MAPK9: variants seen among roughly 807,000 people sequenced by gnomAD.
MAPK9 encodes Jun kinase.
Under a neutral mutation model 57.1 loss-of-function variants are expected in MAPK9, and 30 were observed. That is an observed-to-expected ratio of 0.53 (90% CI 0.39 to 0.71). The LOEUF is 0.71. Among genes scored for constraint, MAPK9 ranks in the 30% least tolerant of loss-of-function variants. MAPK9 has a pLI of 0.00. For missense variants in MAPK9, 362 were observed against 521.0 expected (o/e 0.69, Z 2.97); for synonymous variants, 155 against 177.0 (o/e 0.88, Z 0.99).
intron 4 of MAPK9, among the ~76,000 whole-genome samples, chr5:180,262,594 C>G (rs983944104): frequency 6.6e-6 from 1 of 151,608 alleles, no homozygotes. Context: ...AGCCATCATG[C>G]CTGGATAGTT....
intron 3 of MAPK9, among the ~76,000 whole-genome samples, chr5:180,268,593 T>G (rs936371860): frequency 1.3e-5 from 2 of 149,020 alleles, no homozygotes; most frequent in Non-Finnish European, 3.0e-5. Context: ...TTTGGGAGGC[T>G]GAGGCTGGCG....
chr5:180,260,014 G>A (rs1397067959), intron 5 of MAPK9, among the ~76,000 whole-genome samples: 1 of 152,220 alleles, frequency 6.6e-6, no homozygotes, highest in Non-Finnish European at 1.5e-5. Flanking sequence ...TATGAGGAAT[G>A]TGATGATGCC....
At chr5:180,242,833 T>G (rs35624369) in intron 7 of MAPK9, 78 bp from the exon 8 acceptor site, 165,877 of 1,151,046 alleles carry the variant, frequency 0.14, 12,477 homozygotes, top group South Asian at 0.19. Flanking sequence ...TTGAATAATA[T>G]TTAAACCTAT....
At chr5:180,283,262 T>C (rs1010796037) in intron 1 of MAPK9, among the ~76,000 whole-genome samples, 3 of 152,214 alleles carry the variant, frequency 2.0e-5, no homozygotes, top group African/African-American at 4.8e-5. Flanking sequence ...AAGATGTGGG[T>C]AGAAGTGATG....
chr5:180,267,421 G>C (rs1455008036), intron 3 of MAPK9, among the ~76,000 whole-genome samples: 3 of 151,986 alleles, frequency 2.0e-5, no homozygotes, highest in African/African-American at 7.2e-5. Context: ...AATTAGCTGG[G>C]TGTGGTGGCG....
intron 2 of MAPK9, among the ~76,000 whole-genome samples, chr5:180,277,287 G>C (rs959881059): frequency 7.9e-5 from 12 of 152,214 alleles, no homozygotes; most frequent in African/African-American, 2.7e-4. Flanking sequence ...TATGCCTCAA[G>C]AGGTAAGCAG....
At chr5:180,252,036 G>T (rs1454567525) in intron 5 of MAPK9, among the ~76,000 whole-genome samples, 2 of 152,190 alleles carry the variant, frequency 1.3e-5, no homozygotes, top group Non-Finnish European at 2.9e-5. Flanking sequence ...AGTAGACACT[G>T]AAACCCGAAG....
chr5:180,254,928 G>A (rs1174141535), intron 5 of MAPK9, among the ~76,000 whole-genome samples: 7 of 152,192 alleles, frequency 4.6e-5, no homozygotes, highest in Non-Finnish European at 1.5e-5. Context: ...TAGCCACTAG[G>A]GAGGCTGAGG....
At chr5:180,287,970 TG>T (rs1762918897) in intron 1 of MAPK9, among the ~76,000 whole-genome samples, 1 of 152,034 alleles carries the variant, frequency 6.6e-6, no homozygotes. Flanking sequence ...CTGGGAGCAG[TG>T]GTTAAGATCG....
rs570142701 is a variant in MAPK9, at chr5:180,291,501, G to A, written c.-48+347C>T. Reference sequence around the variant, plus strand: ...AAGGCAAAACCGCGGCAGAGCGAGGGTCAGTGCCTTGGCCAAGGTCGCGGG... The same window carrying A: ...AAGGCAAAACCGCGGCAGAGCGAGGATCAGTGCCTTGGCCAAGGTCGCGGG... On this transcript the variant is annotated intron_variant, in intron 1 of 11. Transcript: ENST00000452135. Among the ~76,000 whole-genome samples the A allele has an allele frequency of 1.3e-3, 192 of 152,306 alleles. 2 individuals are homozygous for A. The South Asian group carries it at 0.016, about 12-fold the overall frequency.
rs569732366 is a variant in MAPK9 at position 180,268,894 on chromosome 5, C to A, written c.252+386G>T. 1.7e-4 allele frequency among the ~76,000 whole-genome samples: 26 copies of A among 152,112 alleles called. No individual in the cohort carries two copies. The South Asian group carries it at 5.2e-3, about 30-fold the overall frequency. ...GTGGCTCACGCCTGTAATCCCAGCA[C>A]TTTGGAAGGCCAAGGCAGGTGGATC... On this transcript the variant is annotated intron_variant, in intron 3 of 11. Coordinates refer to ENST00000452135, the MANE Select transcript of MAPK9 (RefSeq NM_002752.5).
chr5:180,273,871 T>C (rs1014003999), intron 2 of MAPK9, among the ~76,000 whole-genome samples: 6 of 152,226 alleles, frequency 3.9e-5, no homozygotes, highest in African/African-American at 1.2e-4. Context: ...ACCAGTTTTA[T>C]GGTAAGTCTT....
intron 5 of MAPK9, among the ~76,000 whole-genome samples, chr5:180,259,168 G>C (rs115863424): frequency 0.038 from 5,839 of 152,282 alleles, 168 homozygotes; most frequent in South Asian, 0.069. Flanking sequence ...AGTTCTCTAA[G>C]TAAACATGAA....
chr5:180,254,351 G>A (rs10044994), intron 5 of MAPK9, among the ~76,000 whole-genome samples: 152,036 of 152,316 alleles, frequency 1, 75,880 homozygotes, highest in Middle Eastern at 1. Context: ...ACACTAAAAA[G>A]GGAACTCTCA....
At position 180,247,169 on chromosome 5, in the gene MAPK9, G is replaced by T. The variant is rs575623022; in HGVS notation, c.688+270C>A. 2.0e-6 allele frequency: 1 copy of T among 507,962 alleles called. No individual in the cohort carries two copies. Among genetic ancestry groups the T allele is most frequent in the East Asian group, 3.2e-5 (1 of 30,872 alleles). 31.5% of individuals were successfully genotyped at this position (507,962 alleles called of 1,614,324 possible). On this transcript the variant is annotated intron_variant, in intron 7 of 11. Coordinates refer to ENST00000452135, the MANE Select transcript of MAPK9 (RefSeq NM_002752.5). This position sits in a 1 kb window ranked among gnomAD's most constrained non-coding sequence, Gnocchi z 4.5. ...GTAAATAATTTCTTCTATGTGTCCA[G>T]CTATTTTTGGCAAAATTAAGAGCTA... is the stretch of plus-strand genomic sequence containing the variant.
chr5:180,275,149 T>C (rs555380928), intron 2 of MAPK9, among the ~76,000 whole-genome samples: 262 of 152,336 alleles, frequency 1.7e-3, no homozygotes, highest in Middle Eastern at 3.4e-3. Flanking sequence ...TTCTGCAGGA[T>C]TTTATTCATG....
chr5:180,291,996 CGCA>C lies in MAPK9; in HGVS notation c.-199_-197del, dbSNP rs1290861290. ...CCGCCGCCGCCGCCGCCGCCGCCGCCGCAGTGGGTGTGAGGGGCGCCGGGGCGC... is the reference window on the plus strand; with the variant it reads ...CCGCCGCCGCCGCCGCCGCCGCCGCCGTGGGTGTGAGGGGCGCCGGGGCGC... On this transcript the variant is annotated 5_prime_UTR_variant, in exon 1 of 12. Coordinates refer to ENST00000452135, the MANE Select transcript of MAPK9 (RefSeq NM_002752.5). 82 of 150,668 alleles carry C rather than the reference CGCA, an allele frequency of 5.4e-4. No homozygotes were observed. The highest frequency in any genetic ancestry group is 5.9e-4 in the Non-Finnish European group (42 of 71,648). The allele number at this position is 150,668 out of a possible 1,614,324, so 9.3% of individuals were successfully genotyped here. A position where few individuals can be genotyped will look rare whatever the true frequency, so the allele number is the denominator to read the frequency against.
intron 4 of MAPK9, 59 bp downstream of exon 4, chr5:180,264,722 C>A: frequency 6.9e-7 from 1 of 1,454,628 alleles, no homozygotes; most frequent in South Asian, 1.4e-5. Flanking sequence ...CAGTTGCTGT[C>A]TTTTCTAGAT....
chr5:180,289,072 T>C (rs1763015265), intron 1 of MAPK9, among the ~76,000 whole-genome samples: 3 of 152,230 alleles, frequency 2.0e-5, no homozygotes, highest in Admixed American at 2.0e-4. Flanking sequence ...TGTATGTATG[T>C]AGACCAAAAA....
Sources: allele counts gnomAD v4.1 joint callset (sites outside exome capture counted in the v4.1 genomes callset), GRCh38; gene constraint gnomAD v4.1.1; non-coding constraint Gnocchi (gnomAD v3.1); transcripts MANE v1.5; gene names NCBI Gene and HGNC (gene_info 2026-07-23, HGNC 2026-07-21).